Variants in OTULINL observed in about 807,000 individuals in gnomAD.
The protein encoded by OTULINL is inactive ubiquitin thioesterase OTULINL.
In OTULINL, 42 loss-of-function variants were observed where a neutral mutation model predicts 43.9. The observed-to-expected ratio is 0.96, with a 90% confidence interval of 0.75 to 1.24. The LOEUF (loss-of-function observed/expected upper bound fraction) is 1.24. Among genes scored for constraint, OTULINL ranks in the 50% most tolerant of loss-of-function variants. OTULINL has a pLI of 0.00. For synonymous variants in OTULINL, 172 were observed against 153.6 expected (o/e 1.12, Z -0.88); for missense variants, 411 against 426.4 (o/e 0.96, Z 0.32).
rs1560967779 is a variant in OTULINL, at chr5:14,607,435, T to C, written c.604T>C (p.Tyr202His). 6.2e-7 allele frequency: 1 copy of C among 1,613,952 alleles called. No homozygotes were observed. Among genetic ancestry groups the C allele is most frequent in the Non-Finnish European group, 8.5e-7 (1 of 1,179,970 alleles). The change falls in exon 6 of 8, where the codon TAT becomes CAT. Residue 202 changes from tyrosine (Y) to histidine (H), a missense_variant. Physicochemically the swap from Tyr to His is moderately conservative, Grantham distance 83 (BLOSUM62 2). Transcript: ENST00000274217. ...GSNVFGKLRKYVELLKTQWTE... is the reference protein window; with the variant it reads ...GSNVFGKLRKHVELLKTQWTE... Reference sequence around the variant, plus strand: ...GAATGTGTTTGGAAAACTACGGAAATATGTGGAATTATTGAAAACACAGGT... The same window carrying C: ...GAATGTGTTTGGAAAACTACGGAAACATGTGGAATTATTGAAAACACAGGT...
At chr5:14,599,876 A>C (rs1475027044) in intron 1 of OTULINL, among the ~76,000 whole-genome samples, 1 of 152,228 alleles carries the variant, frequency 6.6e-6, no homozygotes, top group Non-Finnish European at 1.5e-5. Flanking sequence ...ATGCAGCATC[A>C]CTAAATAGAT....
Position 14,581,913 on chromosome 5 carries a change from C to A in OTULINL, c.19C>A (p.Pro7Thr), listed in dbSNP as rs903611404. Residue 7 changes from proline to threonine, a missense_variant, in exon 1 of 8, where the codon CCC becomes ACC. By Grantham distance (38) the Pro-to-Thr change is conservative. Coordinates refer to ENST00000274217, the MANE Select transcript of OTULINL (RefSeq NM_019018.3). Reference protein sequence around the residue: MAATRSPTRARERERSG... With the variant: MAATRSTTRARERERSG... ...GGCCGGCATGGCGGCGACAAGGAGC[C>A]CCACGCGGGCAAGGGAGCGGGAGCG... is the stretch of plus-strand genomic sequence containing the variant. 11 of 1,411,830 alleles carry A rather than the reference C, an allele frequency of 7.8e-6. No individual in the cohort carries two copies. Among genetic ancestry groups the A allele is most frequent in the Non-Finnish European group, 1.0e-5 (11 of 1,082,986 alleles). The allele number at this position is 1,411,830 out of a possible 1,614,324, so 87.5% of individuals were successfully genotyped here.
At chr5:14,609,885 T>A (rs949441413) in intron 7 of OTULINL, among the ~76,000 whole-genome samples, 1 of 152,232 alleles carries the variant, frequency 6.6e-6, no homozygotes, top group African/African-American at 2.4e-5. Flanking sequence ...CCCAAAGTGC[T>A]GGGATTACAG....
intron 1 of OTULINL, among the ~76,000 whole-genome samples, chr5:14,591,828 A>G (rs1759209120): frequency 6.6e-6 from 1 of 152,208 alleles, no homozygotes; most frequent in African/African-American, 2.4e-5. Flanking sequence ...CCCATGGGTC[A>G]TATCTGGCCT....
intron 1 of OTULINL, among the ~76,000 whole-genome samples, chr5:14,592,437 A>G (rs1209068902): frequency 6.6e-6 from 1 of 152,214 alleles, no homozygotes; most frequent in Non-Finnish European, 1.5e-5. Context: ...TGGGTGTTCA[A>G]GTTCAGACTT....
intron 1 of OTULINL, among the ~76,000 whole-genome samples, chr5:14,598,869 TA>T (rs1462309956): frequency 6.6e-6 from 1 of 152,230 alleles, no homozygotes; most frequent in Non-Finnish European, 1.5e-5. Flanking sequence ...TCCATTTTTC[TA>T]AAAAACATTT....
intron 1 of OTULINL, among the ~76,000 whole-genome samples, chr5:14,586,179 C>A (rs1438360421): frequency 6.6e-6 from 1 of 152,168 alleles, no homozygotes; most frequent in Non-Finnish European, 1.5e-5. Flanking sequence ...CTTGGTAAGA[C>A]AATCTGTTTT....
chr5:14,584,749 C>T (rs1238379585), intron 1 of OTULINL, among the ~76,000 whole-genome samples: 2 of 152,198 alleles, frequency 1.3e-5, no homozygotes, highest in Admixed American at 1.3e-4. Context: ...TACCCACCTC[C>T]TATGTAGATG....
chr5:14,593,863 G>T (rs985823410), intron 1 of OTULINL, among the ~76,000 whole-genome samples: 8 of 152,128 alleles, frequency 5.3e-5, no homozygotes, highest in African/African-American at 1.9e-4. Flanking sequence ...CCATCCTGGG[G>T]GGATGGTGCT....
In OTULINL at chr5:14,607,382, G is replaced by A; in HGVS notation, c.551G>A (p.Ser184Asn). The A allele has an allele frequency of 6.2e-7, 1 of 1,614,198 alleles. No individual in the cohort carries two copies. The highest frequency in any genetic ancestry group is 2.2e-5 in the East Asian group (1 of 44,882). The change falls in exon 6 of 8, where the codon AGT becomes AAT. Residue 184 changes from serine (S) to asparagine (N), a missense_variant. By Grantham distance (46) the Ser-to-Asn change is conservative. Transcript: ENST00000274217. Reference sequence around the variant, plus strand: ...GGTTGTAATTGGATTCAGCAGTACAGTTTTGGTCCTGAGAAGTATACAGGC... The same window carrying A: ...GGTTGTAATTGGATTCAGCAGTACAATTTTGGTCCTGAGAAGTATACAGGC... ...SQGCNWIQQY[S>N]FGPEKYTGSN...
intron 1 of OTULINL, among the ~76,000 whole-genome samples, chr5:14,595,467 C>T (rs1325229594): frequency 2.6e-5 from 4 of 152,064 alleles, no homozygotes; most frequent in African/African-American, 7.2e-5. Context: ...GCTGTTTGCA[C>T]GATCACTTGG....
At chr5:14,587,687 A>G (rs1478480750) in intron 1 of OTULINL, among the ~76,000 whole-genome samples, 1 of 152,162 alleles carries the variant, frequency 6.6e-6, no homozygotes, top group Non-Finnish European at 1.5e-5. Context: ...GATCAGTTTT[A>G]TCCATGGTAT....
At chr5:14,598,736 C>T (rs1336145747) in intron 1 of OTULINL, among the ~76,000 whole-genome samples, 2 of 152,136 alleles carry the variant, frequency 1.3e-5, no homozygotes, top group East Asian at 1.9e-4. Context: ...GCAATGCTTA[C>T]ATTTAGGACA....
chr5:14,595,575 T>C (rs2126775882), intron 1 of OTULINL, among the ~76,000 whole-genome samples: 1 of 149,380 alleles, frequency 6.7e-6, no homozygotes, highest in South Asian at 2.1e-4. Context: ...TTACTTCAGC[T>C]TTGGTATATT....
At chr5:14,588,574 G>C (rs1428907440) in intron 1 of OTULINL, among the ~76,000 whole-genome samples, 1 of 152,204 alleles carries the variant, frequency 6.6e-6, no homozygotes, top group Middle Eastern at 3.2e-3. Context: ...GCATAAGTGT[G>C]GTGGAGTAAC....
rs527549107 is a variant in OTULINL, at chr5:14,582,147, C to T, written c.64+189C>T. 2.0e-5 allele frequency among the ~76,000 whole-genome samples: 3 copies of T among 152,150 alleles called. No homozygotes were observed. The South Asian group carries it at 6.2e-4, about 32-fold the overall frequency. ...CGGGCGGGAGTGGGGCGGGGCTGCACCCCCACTCGGGGTCGAGCCGCTGTC... is the reference window on the plus strand; with the variant it reads ...CGGGCGGGAGTGGGGCGGGGCTGCATCCCCACTCGGGGTCGAGCCGCTGTC... On this transcript the variant is annotated intron_variant, in intron 1 of 7. Transcript: ENST00000274217.
chr5:14,608,673 A>G, intron 6 of OTULINL, 75 bp from the exon 7 acceptor site: 3 of 1,154,092 alleles, frequency 2.6e-6, no homozygotes, highest in Non-Finnish European at 3.6e-6. Context: ...TATTTTATAA[A>G]TACATTAAAA....
At position 14,611,199 on chromosome 5, in the gene OTULINL, A is replaced by G. The variant is rs1759575360; in HGVS notation, c.*885A>G. 1 of 152,220 alleles carries G rather than the reference A, an allele frequency of 6.6e-6. No homozygotes were observed. The allele number at this position is 152,220 out of a possible 1,614,324, so 9.4% of individuals were successfully genotyped here. On this transcript the variant is annotated 3_prime_UTR_variant, in exon 8 of 8. Coordinates refer to ENST00000274217, the MANE Select transcript of OTULINL (RefSeq NM_019018.3). ...AGAGCCGTAAAGGGCTAAATGGGTT[A>G]AATGGGAAAGGAGAATTAAGGTTGC...
intron 4 of OTULINL, among the ~76,000 whole-genome samples, chr5:14,601,719 A>G (rs1208776657): frequency 2.0e-5 from 3 of 152,234 alleles, no homozygotes; most frequent in South Asian, 4.1e-4. Flanking sequence ...GGCCAGGCCT[A>G]TTAAACATCC....
Sources: gnomAD v4.1 joint callset for allele counts (sites outside exome capture counted in the v4.1 genomes callset) on GRCh38, gnomAD v4.1.1 for gene constraint, MANE v1.5 for transcripts, NCBI Gene and HGNC (gene_info 2026-07-23, HGNC 2026-07-21) for gene names.